XPO7: variants seen among roughly 807,000 people sequenced by gnomAD.
XPO7 encodes the protein exportin-7.
Under a neutral mutation model 144.3 loss-of-function variants are expected in XPO7, and 21 were observed. The observed-to-expected ratio is 0.15, with a 90% CI of 0.10 to 0.21. XPO7 has a LOEUF of 0.21. Ranked by LOEUF, XPO7 falls within the 10% of genes least tolerant of loss-of-function variation. The pLI is 1.00. For missense variants in XPO7, 808 were observed against 1,325.8 expected (o/e 0.61, Z 6.06); for synonymous variants, 580 against 499.6 (o/e 1.16, Z -2.15).
intron 1 of XPO7, among the ~76,000 whole-genome samples, chr8:21,965,885 G>C (rs1811866759): frequency 6.6e-6 from 1 of 152,088 alleles, no homozygotes; most frequent in Admixed American, 6.6e-5. Context: ...CTAATAGTAG[G>C]ATCCCTCAAA....
At position 21,939,127 on chromosome 8, in the gene XPO7, C is replaced by T. The variant is rs778290573; in HGVS notation, c.18+19339C>T. The stretch of plus-strand genomic sequence containing the variant: ...TTAGCTCTTCTATTCTTATTTTGTT[C>T]TTTACATATTCTTTCTAAAAAATAG... On this transcript the variant is annotated intron_variant, in intron 1 of 27. Transcript: ENST00000252512. 1.1e-4 allele frequency among the ~76,000 whole-genome samples: 16 copies of T among 151,488 alleles called. 1 individual carries two copies. The highest frequency in any genetic ancestry group is 4.6e-4 in the Admixed American group (7 of 15,218).
chr8:21,964,385 T>C (rs1341772825), intron 1 of XPO7: 2 of 152,166 alleles, frequency 1.3e-5, no homozygotes, highest in African/African-American at 2.4e-5. Flanking sequence ...CAAATAATTA[T>C]AGGGTAAATT....
At chr8:21,957,423 C>T (rs772440640) in intron 1 of XPO7, among the ~76,000 whole-genome samples, 1 of 152,174 alleles carries the variant, frequency 6.6e-6, no homozygotes, top group Non-Finnish European at 1.5e-5. Flanking sequence ...GAAGTTTGTT[C>T]AGCTTTTCTC....
chr8:21,986,592 T>A (rs1284760577), intron 13 of XPO7, among the ~76,000 whole-genome samples: 6 of 152,218 alleles, frequency 3.9e-5, no homozygotes, highest in African/African-American at 1.4e-4. Context: ...TTTTGAAGAG[T>A]TGAGCAGAGC....
intron 1 of XPO7, among the ~76,000 whole-genome samples, chr8:21,957,783 C>G (rs1403849864): frequency 6.6e-6 from 1 of 152,262 alleles, no homozygotes; most frequent in African/African-American, 2.4e-5. Context: ...ATGCACTGTG[C>G]TCACTGGGAT....
intron 4 of XPO7, among the ~76,000 whole-genome samples, chr8:21,971,522 CTTA>C (rs1184698822): frequency 6.6e-6 from 1 of 152,056 alleles, no homozygotes; most frequent in African/African-American, 2.4e-5. Flanking sequence ...AGATTCTTTG[CTTA>C]TTGTTTTATG....
At chr8:21,994,005 C>CA (rs1478749479) in intron 19 of XPO7, among the ~76,000 whole-genome samples, 1 of 146,518 alleles carries the variant, frequency 6.8e-6, no homozygotes, top group Non-Finnish European at 1.5e-5. Flanking sequence ...TGGGTGGACT[C>CA]AAAGCTTTTT....
At chr8:21,920,790 A>T (rs1010795741) in intron 1 of XPO7, among the ~76,000 whole-genome samples, 6 of 152,196 alleles carry the variant, frequency 3.9e-5, no homozygotes, top group Non-Finnish European at 7.3e-5. Flanking sequence ...CTAGGTAACC[A>T]AGTGCACAGG....
rs34731586 is a variant in XPO7, at chr8:22,005,473, CAA to C, written c.*389_*390del. 1 of 156,728 alleles carries C rather than the reference CAA, an allele frequency of 6.4e-6. No individual in the cohort carries two copies. Among genetic ancestry groups the C allele is most frequent in the Non-Finnish European group, 1.4e-5 (1 of 70,886 alleles). 9.7% of individuals were successfully genotyped at this position (156,728 alleles called of 1,614,324 possible). A position where few individuals can be genotyped will look rare whatever the true frequency, so the allele number is the denominator to read the frequency against. ...GTTTATATTGACTCAAGTTTAAAAA[CAA>C]AAAGTGTGACTGAAAAATTTTTACA... is the stretch of plus-strand genomic sequence containing the variant. On this transcript the variant is annotated 3_prime_UTR_variant, in exon 28 of 28. Coordinates refer to ENST00000252512, the MANE Select transcript of XPO7 (RefSeq NM_015024.5).
intron 1 of XPO7, among the ~76,000 whole-genome samples, chr8:21,926,751 G>T (rs1471871102): frequency 2.0e-5 from 3 of 151,786 alleles, no homozygotes; most frequent in African/African-American, 7.3e-5. Flanking sequence ...TTGATGTATT[G>T]ATAAAATCTA....
intron 1 of XPO7, among the ~76,000 whole-genome samples, chr8:21,963,979 A>G (rs1480053263): frequency 1.3e-5 from 2 of 152,204 alleles, no homozygotes; most frequent in Non-Finnish European, 2.9e-5. Context: ...TTTAAAGAAG[A>G]TGCATTCTTT....
rs1327929307 is a variant in XPO7, at chr8:21,976,259, A to G, written c.598-97A>G. 12 of 1,352,884 alleles carry G rather than the reference A, an allele frequency of 8.9e-6. No homozygotes were observed. In the East Asian group the frequency reaches 2.1e-4, roughly 23 times the overall value. 83.8% of individuals were successfully genotyped at this position (1,352,884 alleles called of 1,614,324 possible). On this transcript the variant is annotated intron_variant, in intron 6 of 27. Coordinates refer to ENST00000252512, the MANE Select transcript of XPO7 (RefSeq NM_015024.5). ...GGGACATTTTACTGTGCTAACATAT[A>G]GCCCTCCTTTTCTGACTTAACAGCT...
At chr8:21,968,471 G>A (rs1041825805) in intron 2 of XPO7, among the ~76,000 whole-genome samples, 4 of 152,284 alleles carry the variant, frequency 2.6e-5, no homozygotes, top group East Asian at 1.9e-4. Flanking sequence ...TCTGTTTTAC[G>A]CACATAGTGT....
chr8:21,992,004 C>T, intron 19 of XPO7, 30 bp downstream of exon 19: 1 of 1,573,932 alleles, frequency 6.4e-7, no homozygotes, highest in Non-Finnish European at 8.7e-7. Flanking sequence ...AGTAATTAAT[C>T]AGCTTCTGGT....
At chr8:21,976,247 G>A (rs1217841672) in intron 6 of XPO7, 109 bp from the exon 7 acceptor site, 1 of 1,227,282 alleles carries the variant, frequency 8.1e-7, no homozygotes, top group East Asian at 2.3e-5. Flanking sequence ...ACATTTTACT[G>A]TGCTAACATA....
Position 21,969,717 on chromosome 8 carries a change from A to G in XPO7, c.259+141A>G, listed in dbSNP as rs1157078813. 3 of 861,736 alleles carry G rather than the reference A, an allele frequency of 3.5e-6. No homozygotes were observed. In the African/African-American group the frequency reaches 5.1e-5, roughly 15 times the overall value. The allele number at this position is 861,736 out of a possible 1,614,324, so 53.4% of individuals were successfully genotyped here. Reference sequence around the variant, plus strand: ...AATGTCTAGAATCCAGTTCGTTTCCAGAATTTGGGGCTTATGAAAGTGAAG... The same window carrying G: ...AATGTCTAGAATCCAGTTCGTTTCCGGAATTTGGGGCTTATGAAAGTGAAG... On this transcript the variant is annotated intron_variant, in intron 3 of 27. Coordinates refer to ENST00000252512, the MANE Select transcript of XPO7 (RefSeq NM_015024.5).
chr8:21,936,296 C>G (rs1332941628), intron 1 of XPO7, among the ~76,000 whole-genome samples: 2 of 152,194 alleles, frequency 1.3e-5, no homozygotes, highest in Non-Finnish European at 2.9e-5. Context: ...GCCTCTGTCT[C>G]TGTGTCCAGA....
chr8:21,987,750 A>C, intron 14 of XPO7, 34 bp from the exon 15 acceptor site: 2 of 1,610,288 alleles, frequency 1.2e-6, no homozygotes, highest in South Asian at 1.1e-5. Context: ...GTTGTAATTC[A>C]TGTGTTCTGG....
chr8:21,990,610 A>G, intron 17 of XPO7: 1 of 706,884 alleles, frequency 1.4e-6, no homozygotes, highest in Non-Finnish European at 2.3e-6. Flanking sequence ...TGGTGAAGTC[A>G]CCTACTGCTA....
Sources: allele counts gnomAD v4.1 joint callset (sites outside exome capture counted in the v4.1 genomes callset), GRCh38; gene constraint gnomAD v4.1.1; transcripts MANE v1.5; gene names NCBI Gene and HGNC (gene_info 2026-07-23, HGNC 2026-07-21).